Variants in VAV2 observed in about 807,000 individuals in gnomAD.
The protein encoded by VAV2 is guanine nucleotide exchange factor VAV2.
Under a neutral mutation model 132.5 loss-of-function variants are expected in VAV2, and 67 were observed. The ratio of observed to expected loss-of-function variants is 0.51; its 90% CI spans 0.42 to 0.62. The LOEUF (loss-of-function observed/expected upper bound fraction) is 0.62, where lower values mean the gene tolerates loss of function less well. VAV2 is among the 20% of genes least tolerant of loss of function. The pLI is 0.00. For synonymous variants in VAV2, 492 were observed against 443.5 expected (o/e 1.11, Z -1.37); for missense variants, 938 against 1,153.6 (o/e 0.81, Z 2.71).
At position 133,787,238 on chromosome 9, in the gene VAV2, G is replaced by T; in HGVS notation, c.1422+8C>A. 1 of 1,584,456 alleles carries T rather than the reference G, an allele frequency of 6.3e-7. No homozygotes were observed. Among genetic ancestry groups the T allele is most frequent in the Non-Finnish European group, 8.6e-7 (1 of 1,163,262 alleles). On this transcript the variant is annotated splice_region_variant and intron_variant, in intron 16 of 29. Coordinates refer to ENST00000371850, the MANE Select transcript of VAV2 (RefSeq NM_001134398.2). ...GCAGGTGGGAGGACCTGGGCGCTAG[G>T]TGCTTACCATTTTCCCGTGAGACTA...
chr9:133,777,468 C>T lies in VAV2; in HGVS notation c.1891-5G>A, dbSNP rs139458505. On this transcript the variant is annotated splice_region_variant and splice_polypyrimidine_tract_variant and intron_variant, in intron 22 of 29. Coordinates refer to ENST00000371850, the MANE Select transcript of VAV2 (RefSeq NM_001134398.2). ...CCTGGTTTGTACCAGACGACCCTGGCAGAGGAAAGAGATGGTTAGGACAAG... is the reference window on the plus strand; with the variant it reads ...CCTGGTTTGTACCAGACGACCCTGGTAGAGGAAAGAGATGGTTAGGACAAG... The T allele has an allele frequency of 9.3e-6, 15 of 1,613,512 alleles. No homozygotes were observed. The highest frequency in any genetic ancestry group is 1.1e-5 in the South Asian group (1 of 91,082).
chr9:133,850,640 G>C (rs1478072396), intron 3 of VAV2, among the ~76,000 whole-genome samples: 1 of 152,228 alleles, frequency 6.6e-6, no homozygotes, highest in Non-Finnish European at 1.5e-5. Context: ...GAATGTGCCA[G>C]GCTCTAGGAG....
intron 16 of VAV2, among the ~76,000 whole-genome samples, chr9:133,786,887 G>A (rs565903321): frequency 3.9e-5 from 6 of 152,260 alleles, no homozygotes; most frequent in African/African-American, 1.4e-4. Flanking sequence ...GATGGGAGGA[G>A]GAAAGAAACA....
At chr9:133,810,949 G>A (rs758298144) in intron 5 of VAV2, among the ~76,000 whole-genome samples, 1 of 152,224 alleles carries the variant, frequency 6.6e-6, no homozygotes, top group African/African-American at 2.4e-5. Flanking sequence ...ACCAGTCAGA[G>A]CTCATTCCCA....
intron 2 of VAV2, among the ~76,000 whole-genome samples, chr9:133,914,210 A>G (rs1346285529): frequency 6.6e-6 from 1 of 152,170 alleles, no homozygotes; most frequent in African/African-American, 2.4e-5. Flanking sequence ...CAGAAAAGGC[A>G]GCACTCACTG....
intron 1 of VAV2, among the ~76,000 whole-genome samples, chr9:133,962,853 G>A (rs1002138081): frequency 7.9e-5 from 12 of 152,068 alleles, no homozygotes; most frequent in South Asian, 2.1e-4. Flanking sequence ...CACATTGAGC[G>A]CTTGGCTCCA....
intron 7 of VAV2, 111 bp from the exon 8 acceptor site, chr9:133,807,437 TC>T: frequency 9.0e-7 from 1 of 1,106,834 alleles, no homozygotes; most frequent in Non-Finnish European, 1.3e-6. Flanking sequence ...ACTGGGGTGC[TC>T]CATGCTTACT....
intron 2 of VAV2, among the ~76,000 whole-genome samples, chr9:133,910,480 C>T (rs1392430678): frequency 6.6e-6 from 1 of 152,030 alleles, no homozygotes; most frequent in African/African-American, 2.4e-5. Flanking sequence ...TGCCAAGGTT[C>T]AGTGAGTCAC....
In VAV2 at chr9:133,884,366, C is replaced by T. The variant is rs978584184; in HGVS notation, c.322-22934G>A. Among the ~76,000 whole-genome samples, 3 of 152,228 alleles carry T rather than the reference C, an allele frequency of 2.0e-5. No homozygotes were observed. The highest frequency in any genetic ancestry group is 1.3e-4 in the Admixed American group (2 of 15,288). ...TCCAAAGTACAACTCAAAGGACGCTCATCAAAGCAGTGCTTCCTTAGGCGC... is the reference window on the plus strand; with the variant it reads ...TCCAAAGTACAACTCAAAGGACGCTTATCAAAGCAGTGCTTCCTTAGGCGC... On this transcript the variant is annotated intron_variant, in intron 2 of 29. Transcript: ENST00000371850. This position sits in a 1 kb window ranked among gnomAD's most constrained non-coding sequence, Gnocchi z 5.3.
At position 133,935,692 on chromosome 9, in the gene VAV2, C is replaced by T. The variant is rs368614443; in HGVS notation, c.321+3411G>A. Among the ~76,000 whole-genome samples, 14 of 152,340 alleles carry T rather than the reference C, an allele frequency of 9.2e-5. No homozygotes were observed. In the South Asian group the frequency reaches 1.9e-3, roughly 20 times the overall value. ...GTGAACGTCCCAGCTCCCCAGCCTC[C>T]GCTGGCCCCAGGCCAGACTCCATTT... On this transcript the variant is annotated intron_variant, in intron 2 of 29. Coordinates refer to ENST00000371850, the MANE Select transcript of VAV2 (RefSeq NM_001134398.2). The surrounding 1 kb of genome is among the most constrained non-coding windows in gnomAD (Gnocchi z 5.2).
chr9:133,953,757 C>T (rs1336011709), intron 1 of VAV2, among the ~76,000 whole-genome samples: 1 of 152,112 alleles, frequency 6.6e-6, no homozygotes, highest in East Asian at 1.9e-4. Flanking sequence ...AGGTCCCCCA[C>T]ACCCACCCTG....
Position 133,834,252 on chromosome 9 carries a change from C to T in VAV2, c.449+20G>A, listed in dbSNP as rs1312645918. The T allele has an allele frequency of 6.2e-7, 1 of 1,602,000 alleles. No homozygotes were observed. The highest frequency in any genetic ancestry group is 1.1e-5 in the South Asian group (1 of 89,012). On this transcript the variant is annotated intron_variant, in intron 4 of 29. Transcript: ENST00000371850. The surrounding 1 kb of genome is among the most constrained non-coding windows in gnomAD (Gnocchi z 5.9). ...TGCCCCTCCCTCCTCTCCATCCCTC[C>T]TCCCATCCCCCCGCCTTACTCGGCC...
chr9:133,890,471 C>T (rs931395284), intron 2 of VAV2, among the ~76,000 whole-genome samples: 2 of 152,098 alleles, frequency 1.3e-5, no homozygotes, highest in African/African-American at 4.8e-5. Context: ...GGGAAAAGTG[C>T]CGAGGGTCAA....
At chr9:133,869,279 C>A (rs1050833175) in intron 2 of VAV2, among the ~76,000 whole-genome samples, 15 of 152,112 alleles carry the variant, frequency 9.9e-5, no homozygotes, top group Non-Finnish European at 2.1e-4. Flanking sequence ...GGAGCCACCA[C>A]ACCCAGTCCC....
chr9:133,887,474 T>G (rs896267942), intron 2 of VAV2, among the ~76,000 whole-genome samples: 3 of 152,070 alleles, frequency 2.0e-5, no homozygotes, highest in African/African-American at 7.2e-5. Flanking sequence ...CCCAGGGCCA[T>G]GGTCGGATCC....
intron 2 of VAV2, among the ~76,000 whole-genome samples, chr9:133,915,838 A>C (rs1840063677): frequency 6.8e-6 from 1 of 146,106 alleles, no homozygotes; most frequent in African/African-American, 2.6e-5. Context: ...ACACGTGCAC[A>C]CACAACGCAC....
Position 133,841,390 on chromosome 9 carries a change from C to T in VAV2, c.381-7050G>A, listed in dbSNP as rs2131810450. Among the ~76,000 whole-genome samples, 3 of 152,124 alleles carry T rather than the reference C, an allele frequency of 2.0e-5. No homozygotes were observed. In the Middle Eastern group the frequency reaches 0.01, roughly 517 times the overall value. Reference sequence around the variant, plus strand: ...AACTCCTCTGCATATTGAGTGGACTCCAGGGCTCCATCATGCAGAGCTCGT... The same window carrying T: ...AACTCCTCTGCATATTGAGTGGACTTCAGGGCTCCATCATGCAGAGCTCGT... On this transcript the variant is annotated intron_variant, in intron 3 of 29. Transcript: ENST00000371850.
chr9:133,940,672 C>CGG, intron 1 of VAV2, among the ~76,000 whole-genome samples: 1 of 139,358 alleles, frequency 7.2e-6, no homozygotes, highest in African/African-American at 2.5e-5. Flanking sequence ...TGTCCACGTG[C>CGG]GTGTGTGTGT....
At chr9:133,978,964 G>A (rs57185978) in intron 1 of VAV2, among the ~76,000 whole-genome samples, 2 of 152,360 alleles carry the variant, frequency 1.3e-5, no homozygotes, top group African/African-American at 4.8e-5. Context: ...GAGCTGAGGG[G>A]GTCAGGGCAG....
Sources: gnomAD v4.1 joint callset for allele counts (sites outside exome capture counted in the v4.1 genomes callset) on GRCh38, gnomAD v4.1.1 for gene constraint, Gnocchi (gnomAD v3.1) non-coding constraint, MANE v1.5 for transcripts, NCBI Gene and HGNC (gene_info 2026-07-23, HGNC 2026-07-21) for gene names.